Variants in FGD4 observed in about 807,000 individuals in gnomAD.
FGD4 encodes FYVE, RhoGEF and PH domain containing 4.
Under a neutral mutation model 102.0 loss-of-function variants are expected in FGD4, and 42 were observed. The ratio of observed to expected loss-of-function variants is 0.41; its 90% confidence interval spans 0.32 to 0.53. The LOEUF is 0.53. FGD4 is among the 20% of genes least tolerant of loss of function. FGD4 has a pLI of 0.21. For missense variants in FGD4, 902 were observed against 1,078.2 expected (o/e 0.84, Z 2.29); for synonymous variants, 380 against 375.7 (o/e 1.01, Z -0.13).
intron 14 of FGD4, among the ~76,000 whole-genome samples, chr12:32,628,468 G>A (rs1375872306): frequency 6.6e-6 from 1 of 152,122 alleles, no homozygotes; most frequent in East Asian, 1.9e-4. Flanking sequence ...GAAGGGCATG[G>A]AGGGGAAAGT....
chr12:32,579,037 TG>T, intron 3 of FGD4, among the ~76,000 whole-genome samples: 2 of 127,354 alleles, frequency 1.6e-5, no homozygotes, highest in Non-Finnish European at 1.6e-5. Context: ...TGAACATTAG[TG>T]GTTTTTTTTT....
intron 1 of FGD4, chr12:32,485,970 T>A (rs139846791): frequency 6.0e-6 from 8 of 1,324,492 alleles, no homozygotes; most frequent in Non-Finnish European, 7.7e-6. Context: ...GTACTTCCCA[T>A]TAGTTAGTTC....
rs144011984 is a variant in FGD4 at position 32,602,007 on chromosome 12, G to A, written c.1248-154G>A. Among the ~76,000 whole-genome samples, 57 of 152,312 alleles carry A rather than the reference G, an allele frequency of 3.7e-4. No homozygotes were observed. In the East Asian group the frequency reaches 7.5e-3, roughly 20 times the overall value. Reference sequence around the variant, plus strand: ...GCGCGTGCCTGTAGTCCCAGCTACTGAGAGTGCTGAAGCTGGAGGATTGAT... The same window carrying A: ...GCGCGTGCCTGTAGTCCCAGCTACTAAGAGTGCTGAAGCTGGAGGATTGAT... On this transcript the variant is annotated intron_variant, in intron 6 of 16. Transcript: ENST00000534526.
chr12:32,538,643 T>C (rs1220929255), intron 1 of FGD4, among the ~76,000 whole-genome samples: 1 of 152,128 alleles, frequency 6.6e-6, no homozygotes, highest in Non-Finnish European at 1.5e-5. Flanking sequence ...GATTAATTAA[T>C]GGGCTGTGTC....
chr12:32,624,821 C>T (rs1387599758), intron 12 of FGD4, 155 bp from the exon 13 acceptor site: 1 of 698,934 alleles, frequency 1.4e-6, no homozygotes, highest in Non-Finnish European at 2.5e-6. Context: ...TACAAATGTG[C>T]ATATATTGTT....
At chr12:32,602,120 AAAAT>A in intron 6 of FGD4, 37 bp from the exon 7 acceptor site, 3 of 1,608,354 alleles carry the variant, frequency 1.9e-6, no homozygotes, top group Non-Finnish European at 2.5e-6. Context: ...GTCTCAAAAA[AAAAT>A]TTTTTTTAAA....
At chr12:32,507,027 C>T (rs1297927750) in intron 1 of FGD4, among the ~76,000 whole-genome samples, 1 of 151,686 alleles carries the variant, frequency 6.6e-6, no homozygotes, top group Non-Finnish European at 1.5e-5. Context: ...GTGCTGCACC[C>T]ATTAACTCGT....
intron 1 of FGD4, 23 bp downstream of exon 1, chr12:32,399,982 G>C (rs965790621): frequency 1.7e-5 from 24 of 1,440,694 alleles, no homozygotes; most frequent in Admixed American, 1.3e-4. Context: ...GGGCGCGGGG[G>C]AAGGGTGGCC....
intron 1 of FGD4, among the ~76,000 whole-genome samples, chr12:32,474,731 G>A (rs1409613365): frequency 6.6e-6 from 1 of 151,958 alleles, no homozygotes; most frequent in Non-Finnish European, 1.5e-5. Context: ...ACAACATGGC[G>A]AAATTTCTAC....
intron 14 of FGD4, among the ~76,000 whole-genome samples, chr12:32,631,268 A>G (rs1304294189): frequency 6.6e-6 from 1 of 152,198 alleles, no homozygotes; most frequent in Non-Finnish European, 1.5e-5. Context: ...AGGCAGTGGC[A>G]GTTTTTGGAG....
Position 32,582,064 on chromosome 12 carries a change from T to C in FGD4, c.608T>C (p.Leu203Pro). Reference protein sequence around the residue: ...HGLTTTPQQKLLSQHLPQRQG... With the variant: ...HGLTTTPQQKPLSQHLPQRQG... ...TTGACAACCACACCTCAACAAAAACTCCTCTCCCAGCACTTGCCACAGAGG... is the reference window on the plus strand; with the variant it reads ...TTGACAACCACACCTCAACAAAAACCCCTCTCCCAGCACTTGCCACAGAGG... Residue 203 changes from leucine to proline, a missense_variant, in exon 4 of 17, where the codon CTC becomes CCC. Transcript: ENST00000534526. 1 of 1,613,964 alleles carries C rather than the reference T, an allele frequency of 6.2e-7. No homozygotes were observed. Among genetic ancestry groups the C allele is most frequent in the Non-Finnish European group, 8.5e-7 (1 of 1,180,006 alleles).
intron 1 of FGD4, among the ~76,000 whole-genome samples, chr12:32,547,602 T>A (rs1407650178): frequency 6.6e-6 from 1 of 152,250 alleles, no homozygotes; most frequent in Non-Finnish European, 1.5e-5. Flanking sequence ...TGCCTCACAA[T>A]AAACACTCAA....
At chr12:32,479,075 A>G (rs183309877) in intron 1 of FGD4, among the ~76,000 whole-genome samples, 1 of 152,356 alleles carries the variant, frequency 6.6e-6, no homozygotes, top group Admixed American at 6.5e-5. Context: ...TATGTGAACT[A>G]GTAAAATGTT....
At chr12:32,578,304 T>C (rs1334955864) in intron 3 of FGD4, among the ~76,000 whole-genome samples, 1 of 152,218 alleles carries the variant, frequency 6.6e-6, no homozygotes, top group Non-Finnish European at 1.5e-5. Flanking sequence ...AAAGTGTTTG[T>C]GTGGGTTAAT....
At position 32,441,196 on chromosome 12, in the gene FGD4, C is replaced by T. The variant is rs547942631; in HGVS notation, c.166+41237C>T. 1.2e-4 allele frequency among the ~76,000 whole-genome samples: 18 copies of T among 152,260 alleles called. No homozygotes were observed. In the South Asian group the frequency reaches 3.1e-3, roughly 26 times the overall value. On this transcript the variant is annotated intron_variant, in intron 1 of 16. Coordinates refer to ENST00000534526, the MANE Select transcript of FGD4 (RefSeq NM_001370298.3). ...GATGAAGTCCCCTTTACTTTTCCCT[C>T]TGCTTTTCTCAAGCAGCAGTTTTGC...
intron 1 of FGD4, among the ~76,000 whole-genome samples, chr12:32,423,365 G>T (rs1472410697): frequency 6.6e-6 from 1 of 151,994 alleles, no homozygotes; most frequent in Non-Finnish European, 1.5e-5. Flanking sequence ...GCCGAGGCGG[G>T]CAGATCACTA....
intron 10 of FGD4, among the ~76,000 whole-genome samples, chr12:32,616,161 G>A (rs922393194): frequency 1.3e-5 from 2 of 152,118 alleles, no homozygotes; most frequent in Non-Finnish European, 2.9e-5. Context: ...CCTCATTAAT[G>A]TGACAGCCTC....
At chr12:32,488,971 T>G (rs1944002981) in intron 1 of FGD4, among the ~76,000 whole-genome samples, 1 of 152,220 alleles carries the variant, frequency 6.6e-6, no homozygotes, top group Admixed American at 6.5e-5. Context: ...TTACAGAACC[T>G]ATATTTTATT....
chr12:32,636,756 C>T (rs1357997234), intron 15 of FGD4, among the ~76,000 whole-genome samples: 5 of 152,026 alleles, frequency 3.3e-5, no homozygotes, highest in Admixed American at 6.6e-5. Flanking sequence ...CTGAGTAGCA[C>T]TACCTGAAGG....
Sources: gnomAD v4.1 joint callset for allele counts (sites outside exome capture counted in the v4.1 genomes callset) on GRCh38, gnomAD v4.1.1 for gene constraint, MANE v1.5 for transcripts, NCBI Gene and HGNC (gene_info 2026-07-23, HGNC 2026-07-21) for gene names.